NRSN1: variants seen among roughly 807,000 people sequenced by gnomAD.
NRSN1 encodes neurensin 1.
NRSN1 carries 14 observed loss-of-function variants against 17.3 expected under a neutral mutation model. The ratio of observed to expected loss-of-function variants is 0.81; its 90% confidence interval spans 0.54 to 1.27. The LOEUF (loss-of-function observed/expected upper bound fraction) is 1.27, where lower values mean the gene tolerates loss of function less well. Ranked by LOEUF, NRSN1 falls within the 50% of genes most tolerant of loss-of-function variation. NRSN1 has a pLI of 0.00. For missense variants in NRSN1, 209 were observed against 235.9 expected, an observed-to-expected ratio of 0.89 and a Z score of 0.75; for synonymous variants, 79 against 94.2, an observed-to-expected ratio of 0.84 and a Z score of 0.93.
At position 24,147,268 on chromosome 6, in the gene NRSN1, C is replaced by T. The variant is rs1244400406; in HGVS notation, c.*1322C>T. ...AACAAGATGTTCATCTCATCACTTG[C>T]ACTTTTGTTTTAATGTATGGATTCA... On this transcript the variant is annotated 3_prime_UTR_variant, in exon 4 of 4. Coordinates refer to ENST00000378491, the MANE Select transcript of NRSN1 (RefSeq NM_080723.5). 1.3e-5 allele frequency: 2 copies of T among 152,098 alleles called. No individual in the cohort carries two copies. The highest frequency in any genetic ancestry group is 4.8e-5 in the African/African-American group (2 of 41,418). The allele number at this position is 152,098 out of a possible 1,614,324, so 9.4% of individuals were successfully genotyped here. A position where few individuals can be genotyped will look rare whatever the true frequency, so the allele number is the denominator to read the frequency against.
chr6:24,127,425 A>G (rs566148793), intron 1 of NRSN1, among the ~76,000 whole-genome samples: 1 of 152,196 alleles, frequency 6.6e-6, no homozygotes, highest in Non-Finnish European at 1.5e-5. Context: ...CATTAGAAAG[A>G]ATTCTTAATG....
intron 3 of NRSN1, among the ~76,000 whole-genome samples, chr6:24,142,857 G>C (rs573072345): frequency 1.6e-4 from 25 of 152,306 alleles, no homozygotes; most frequent in African/African-American, 5.8e-4. Flanking sequence ...AAAGAGACCA[G>C]AGCAGGTTGC....
chr6:24,140,787 A>T, intron 3 of NRSN1: 1 of 1,168,936 alleles, frequency 8.6e-7, no homozygotes, highest in Non-Finnish European at 1.1e-6. Flanking sequence ...CTGCATTTTC[A>T]GGCCTCATCA....
chr6:24,142,909 C>T (rs1224511941), intron 3 of NRSN1, among the ~76,000 whole-genome samples: 1 of 152,118 alleles, frequency 6.6e-6, no homozygotes, highest in Non-Finnish European at 1.5e-5. Flanking sequence ...CCTTATTTGG[C>T]CCCGCCCACA....
intron 3 of NRSN1, among the ~76,000 whole-genome samples, chr6:24,135,813 G>C (rs1760110910): frequency 1.3e-5 from 2 of 152,196 alleles, no homozygotes; most frequent in Non-Finnish European, 1.5e-5. Context: ...ACATAGAAGA[G>C]AAGAGGGCAT....
chr6:24,138,534 G>A (rs1017052007), intron 3 of NRSN1, among the ~76,000 whole-genome samples: 2 of 152,058 alleles, frequency 1.3e-5, no homozygotes, highest in Non-Finnish European at 2.9e-5. Flanking sequence ...CCTTCTCCTC[G>A]ACCTCTCTCA....
rs376479458 is a variant in NRSN1 at position 24,134,368 on chromosome 6, A to C, written c.41A>C (p.Gln14Pro). 10 of 1,614,168 alleles carry C rather than the reference A, an allele frequency of 6.2e-6. No homozygotes were observed. Among genetic ancestry groups the C allele is most frequent in the Non-Finnish European group, 8.5e-6 (10 of 1,180,010 alleles). Reference sequence around the variant, plus strand: ...AACGTCTGTGGGTCCAGGCAGGCACAGGCTGCAGCTGAGGGTGGTTACCAG... The same window carrying C: ...AACGTCTGTGGGTCCAGGCAGGCACCGGCTGCAGCTGAGGGTGGTTACCAG... ...CSNVCGSRQA[Q>P]AAAEGGYQRY... Residue 14 changes from glutamine to proline, a missense_variant, in exon 3 of 4, where the codon CAG (glutamine) becomes CCG (proline). Transcript: ENST00000378491.
chr6:24,142,164 G>A (rs1024430260), intron 3 of NRSN1, among the ~76,000 whole-genome samples: 9 of 110,626 alleles, frequency 8.1e-5, no homozygotes, highest in Admixed American at 3.5e-4. Flanking sequence ...AATTTTTCCC[G>A]TAGCACTTAT....
intron 3 of NRSN1, among the ~76,000 whole-genome samples, chr6:24,143,671 A>C (rs997529975): frequency 6.6e-6 from 1 of 152,230 alleles, no homozygotes; most frequent in African/African-American, 2.4e-5. Context: ...GCTATTCCTT[A>C]TTCCAAGTGC....
chr6:24,139,880 A>G (rs886660096), intron 3 of NRSN1, among the ~76,000 whole-genome samples: 1 of 152,230 alleles, frequency 6.6e-6, no homozygotes, highest in South Asian at 2.1e-4. Flanking sequence ...CCATGATTGC[A>G]CCATTGCACT....
chr6:24,137,639 G>A lies in NRSN1; in HGVS notation c.189+3123G>A, dbSNP rs375105122. Reference sequence around the variant, plus strand: ...GTTGGTGTGCTGCACCCATTAACTCGTCATTTAACATTAGGTATATCTCCT... The same window carrying A: ...GTTGGTGTGCTGCACCCATTAACTCATCATTTAACATTAGGTATATCTCCT... On this transcript the variant is annotated intron_variant, in intron 3 of 3. Transcript: ENST00000378491. Among the ~76,000 whole-genome samples the A allele has an allele frequency of 1.3e-3, 193 of 151,864 alleles. 1 individual carries two copies. The highest frequency in any genetic ancestry group is 4.3e-3 in the East Asian group (22 of 5,160).
Position 24,145,621 on chromosome 6 carries a change from C to A in NRSN1, c.263C>A (p.Pro88His). The change falls in exon 4 of 4, where the codon CCC becomes CAC. Residue 88 changes from proline to histidine, a missense_variant. By Grantham distance (77) the Pro-to-His change is moderately conservative. Coordinates refer to ENST00000378491, the MANE Select transcript of NRSN1 (RefSeq NM_080723.5). This position sits in a 1 kb window ranked among gnomAD's most constrained non-coding sequence, Gnocchi z 4.4. ...TVLAVGFLVP[P>H]KIEAFGEADF... ...CTGGCAGTGGGCTTTCTTGTGCCCC[C>A]CAAAATCGAAGCATTTGGCGAAGCC... 1 of 1,613,704 alleles carries A rather than the reference C, an allele frequency of 6.2e-7. No individual in the cohort carries two copies.
At position 24,146,348 on chromosome 6, in the gene NRSN1, C is replaced by T; in HGVS notation, c.*402C>T. 2.1e-6 allele frequency: 1 copy of T among 471,074 alleles called. No homozygotes were observed. Among genetic ancestry groups the T allele is most frequent in the Non-Finnish European group, 4.4e-6 (1 of 228,382 alleles). The allele number at this position is 471,074 out of a possible 1,614,324, so 29.2% of individuals were successfully genotyped here. On this transcript the variant is annotated 3_prime_UTR_variant, in exon 4 of 4. Transcript: ENST00000378491. ...TCTAATGTTTTCTGCGTGGTGCTGT[C>T]TTCCATTCCTGTCTCACTATGTGTA...
rs955689144 is a variant in NRSN1, at chr6:24,145,523, T to G, written c.190-25T>G. 15 of 1,546,236 alleles carry G rather than the reference T, an allele frequency of 9.7e-6. No individual in the cohort carries two copies. The highest frequency in any genetic ancestry group is 1.3e-5 in the Non-Finnish European group (15 of 1,142,530). On this transcript the variant is annotated intron_variant, in intron 3 of 3. Transcript: ENST00000378491. This position sits in a 1 kb window ranked among gnomAD's most constrained non-coding sequence, Gnocchi z 4.4. ...CCGAAGCACCTTCCTCACTCTATCTTGCTTCTGTCATTATCTACCTGTAGG... is the reference window on the plus strand; with the variant it reads ...CCGAAGCACCTTCCTCACTCTATCTGGCTTCTGTCATTATCTACCTGTAGG...
chr6:24,143,690 C>T (rs12190113), intron 3 of NRSN1, among the ~76,000 whole-genome samples: 3 of 152,136 alleles, frequency 2.0e-5, no homozygotes, highest in Admixed American at 6.5e-5. Context: ...GCTGAGCAAT[C>T]GTAATACTGT....
At chr6:24,129,081 A>G (rs1294413058) in intron 2 of NRSN1, 1 of 152,236 alleles carries the variant, frequency 6.6e-6, no homozygotes, top group Non-Finnish European at 1.5e-5. Flanking sequence ...TTGATACTAC[A>G]GTCTATTGGC....
Position 24,140,806 on chromosome 6 carries a change from G to A in NRSN1, c.190-4742G>A, listed in dbSNP as rs200681982. On this transcript the variant is annotated intron_variant, in intron 3 of 3. Coordinates refer to ENST00000378491, the MANE Select transcript of NRSN1 (RefSeq NM_080723.5). Reference sequence around the variant, plus strand: ...ATTTTCAGGCCTCATCAGCTCACTGGGAAACAATGAAAGGATGTTGGTCAA... The same window carrying A: ...ATTTTCAGGCCTCATCAGCTCACTGAGAAACAATGAAAGGATGTTGGTCAA... The A allele has an allele frequency of 2.0e-4, 254 of 1,245,484 alleles. 2 individuals are homozygous for A. In the South Asian group the frequency reaches 6.8e-3, roughly 33 times the overall value. The allele number at this position is 1,245,484 out of a possible 1,614,324, so 77.2% of individuals were successfully genotyped here.
chr6:24,135,847 C>T (rs1760111506), intron 3 of NRSN1, among the ~76,000 whole-genome samples: 2 of 152,232 alleles, frequency 1.3e-5, no homozygotes, highest in South Asian at 2.1e-4. Flanking sequence ...CATTTAGAAA[C>T]TAAGAAGGGG....
chr6:24,141,607 T>G (rs9791210), intron 3 of NRSN1: 16,217 of 152,592 alleles, frequency 0.11, 1,118 homozygotes, highest in East Asian at 0.22. Context: ...AAGAGGAGAA[T>G]GCTCAGAAAG....
Sources: gnomAD v4.1 joint callset for allele counts (sites outside exome capture counted in the v4.1 genomes callset) on GRCh38, gnomAD v4.1.1 for gene constraint, Gnocchi (gnomAD v3.1) non-coding constraint, MANE v1.5 for transcripts, NCBI Gene and HGNC (gene_info 2026-07-23, HGNC 2026-07-21) for gene names.